The following DCX variants were observed in gnomAD, a reference collection of about 807,000 sequenced individuals.
The protein encoded by DCX is doublecortin, also known as neuronal migration protein doublecortin.
DCX carries 4 observed loss-of-function variants against 20.9 expected under a neutral mutation model. That is an observed-to-expected ratio of 0.19 (90% CI 0.09 to 0.44). The LOEUF is 0.44. Among genes scored for constraint, DCX ranks in the 20% least tolerant of loss-of-function variants. DCX has a pLI of 0.99. For missense variants in DCX, 133 were observed against 296.9 expected (o/e 0.45, Z 4.06); for synonymous variants, 103 against 111.4 (o/e 0.92, Z 0.47).
chrX:111,396,968 G>C (rs1296205920), intron 3 of DCX, among the ~76,000 whole-genome samples: 1 of 111,403 alleles, frequency 9.0e-6, no homozygotes, highest in Non-Finnish European at 1.9e-5. Flanking sequence ...TCAGAGGCAA[G>C]AGGTCAGGAA....
intron 6 of DCX, among the ~76,000 whole-genome samples, chrX:111,302,265 T>C (rs1451372133): frequency 8.9e-6 from 1 of 112,338 alleles, no homozygotes; most frequent in Non-Finnish European, 1.9e-5. Flanking sequence ...CGGAGACTCA[T>C]GTAAGCCATT....
At chrX:111,349,425 G>A (rs767121098) in intron 3 of DCX, among the ~76,000 whole-genome samples, 28 of 111,509 alleles carry the variant, frequency 2.5e-4, no homozygotes, top group Non-Finnish European at 4.1e-4. Context: ...ACTGATTTAC[G>A]GCAAACCAAA....
intron 6 of DCX, 100 bp from the exon 7 acceptor site, chrX:111,301,843 A>C: frequency 1.3e-6 from 1 of 758,815 alleles, no homozygotes; most frequent in Non-Finnish European, 2.0e-6. Context: ...TAATTTTTAC[A>C]ACATAATAAT....
rs2095013929 is a variant in DCX at position 111,293,921 on chromosome X, T to C, written c.*7766A>G. 8.9e-6 allele frequency: 1 copy of C among 112,857 alleles called. No individual in the cohort carries two copies. Among genetic ancestry groups the C allele is most frequent in the Non-Finnish European group, 1.9e-5 (1 of 53,359 alleles). 9.3% of individuals were successfully genotyped at this position (112,857 alleles called of 1,213,427 possible). On this transcript the variant is annotated 3_prime_UTR_variant, in exon 7 of 7. Coordinates refer to ENST00000636035, the MANE Select transcript of DCX (RefSeq NM_001195553.2). ...TCTTTGGCTGCCTGGTATTGAATGC[T>C]GCGAATCTTCAGCACTCACAGTTCA...
In DCX at chrX:111,357,021, G is replaced by A. The variant is rs1209522903; in HGVS notation, c.706-23868C>T. On this transcript the variant is annotated intron_variant, in intron 3 of 6. Transcript: ENST00000636035. Reference sequence around the variant, plus strand: ...ATTTTTAAAGCCCCTTTGGGTTCTGGGAGAGATTACATGTAATATATTTAA... The same window carrying A: ...ATTTTTAAAGCCCCTTTGGGTTCTGAGAGAGATTACATGTAATATATTTAA... Among the ~76,000 whole-genome samples the A allele has an allele frequency of 3.6e-5, 4 of 111,742 alleles. No individual in the cohort carries two copies. The South Asian group carries it at 1.5e-3, about 42-fold the overall frequency.
At position 111,316,829 on chromosome X, in the gene DCX, T is replaced by C. The variant is rs146662767; in HGVS notation, c.947-4093A>G. Among the ~76,000 whole-genome samples, 757 of 111,182 alleles carry C rather than the reference T, an allele frequency of 6.8e-3. 4 individuals are homozygous for C. Among genetic ancestry groups the C allele is most frequent in the African/African-American group, 0.024 (723 of 30,544 alleles). ...GGAATGCAATTCCATTCATACTTGT[T>C]AGAGAAAGAATAAAATACCTAGCAA... On this transcript the variant is annotated intron_variant, in intron 5 of 6. Coordinates refer to ENST00000636035, the MANE Select transcript of DCX (RefSeq NM_001195553.2).
intron 5 of DCX, among the ~76,000 whole-genome samples, chrX:111,314,118 C>T (rs1386432246): frequency 9.0e-6 from 1 of 111,610 alleles, no homozygotes; most frequent in East Asian, 2.8e-4. Flanking sequence ...ATGGAAGAGA[C>T]ATCAGTGTAG....
rs191884169 is a variant in DCX at position 111,348,043 on chromosome X, C to T, written c.706-14890G>A. On this transcript the variant is annotated intron_variant, in intron 3 of 6. Coordinates refer to ENST00000636035, the MANE Select transcript of DCX (RefSeq NM_001195553.2). ...TGTCAGGTGCCCTTATCTTCATTAC[C>T]TCATTTGGTTCATTGGCCTCATTTT... Among the ~76,000 whole-genome samples, 3 of 111,987 alleles carry T rather than the reference C, an allele frequency of 2.7e-5. No individual in the cohort carries two copies. In the East Asian group the frequency reaches 8.4e-4, roughly 32 times the overall value.
intron 5 of DCX, among the ~76,000 whole-genome samples, chrX:111,316,534 T>C (rs2095072750): frequency 9.0e-6 from 1 of 111,585 alleles, no homozygotes; most frequent in Non-Finnish European, 1.9e-5. Flanking sequence ...CTGGCCCCTC[T>C]CTCACCACTC....
chrX:111,407,694 C>T (rs1928306606), intron 2 of DCX, among the ~76,000 whole-genome samples: 1 of 110,317 alleles, frequency 9.1e-6, no homozygotes, highest in South Asian at 3.9e-4. Context: ...CCTAATATGA[C>T]TCAAAGGTAA....
intron 3 of DCX, among the ~76,000 whole-genome samples, chrX:111,351,468 T>A (rs770020366): frequency 8.9e-6 from 1 of 112,544 alleles, no homozygotes; most frequent in South Asian, 3.7e-4. Flanking sequence ...TACACATGTG[T>A]TCCAGTTAGC....
intron 2 of DCX, among the ~76,000 whole-genome samples, chrX:111,409,053 T>G (rs1484089424): frequency 9.0e-6 from 1 of 111,584 alleles, no homozygotes; most frequent in Non-Finnish European, 1.9e-5. Flanking sequence ...GGGAGGGGCT[T>G]GAGGAGGAAC....
chrX:111,324,190 G>A (rs963375131), intron 5 of DCX, among the ~76,000 whole-genome samples: 1 of 111,502 alleles, frequency 9.0e-6, no homozygotes, highest in Non-Finnish European at 1.9e-5. Context: ...TGGAGAGGTA[G>A]AGTTAAGAGC....
At chrX:111,336,552 G>T (rs1656901308) in intron 3 of DCX, among the ~76,000 whole-genome samples, 1 of 112,105 alleles carries the variant, frequency 8.9e-6, no homozygotes, top group Admixed American at 9.5e-5. Context: ...TTGTTACAGG[G>T]TTGGGAAAAT....
intron 3 of DCX, among the ~76,000 whole-genome samples, chrX:111,360,136 G>C (rs1428826404): frequency 8.9e-6 from 1 of 111,904 alleles, no homozygotes; most frequent in East Asian, 2.8e-4. Context: ...TTATACAGCT[G>C]TTAAAAGAAT....
At chrX:111,348,108 C>A (rs1019564025) in intron 3 of DCX, among the ~76,000 whole-genome samples, 1 of 111,893 alleles carries the variant, frequency 8.9e-6, no homozygotes, top group African/African-American at 3.3e-5. Flanking sequence ...GTTCAGTGAC[C>A]TGTACAAGGT....
chrX:111,351,313 G>A (rs771059717), intron 3 of DCX, among the ~76,000 whole-genome samples: 88 of 112,058 alleles, frequency 7.9e-4, no homozygotes, highest in African/African-American at 2.8e-3. Flanking sequence ...ACACCTTATC[G>A]ACTATATACT....
rs781679748 is a variant in DCX at position 111,301,706 on chromosome X, G to A, written c.1082C>T (p.Ser361Leu). ...YLPLSLDDSD[S>L]LGDSM ...CCTCCTTTACATGGAATCACCAAGC[G>A]AGTCCGAGTCATCCAAGGACAGAGG... Residue 361 changes from serine to leucine, a missense_variant, in exon 7 of 7, where the codon TCG becomes TTG. Around this residue, in one of 2 missense-constraint regions of DCX, gnomAD observed 68 missense variants for 84.3 expected, o/e 0.81. Coordinates refer to ENST00000636035, the MANE Select transcript of DCX (RefSeq NM_001195553.2). The A allele has an allele frequency of 3.3e-6, 4 of 1,211,489 alleles. No individual in the cohort carries two copies. Among genetic ancestry groups the A allele is most frequent in the East Asian group, 3.0e-5 (1 of 33,835 alleles).
chrX:111,338,476 G>A (rs764060114), intron 3 of DCX, among the ~76,000 whole-genome samples: 19 of 111,375 alleles, frequency 1.7e-4, no homozygotes, highest in African/African-American at 2.6e-4. Context: ...ACTGCTACTC[G>A]TATTTTGGAA....
Sources: allele counts gnomAD v4.1 joint callset (sites outside exome capture counted in the v4.1 genomes callset), GRCh38; gene constraint gnomAD v4.1.1; regional missense constraint gnomAD v4.1.1; transcripts MANE v1.5; gene names NCBI Gene and HGNC (gene_info 2026-07-23, HGNC 2026-07-21).